Variants in ADAMTS2 observed in about 807,000 individuals in gnomAD.
ADAMTS2 encodes A disintegrin and metalloproteinase with thrombospondin motifs 2.
A neutral mutation model predicts 123.0 loss-of-function variants in ADAMTS2; 50 were observed. The observed-to-expected ratio is 0.41, with a 90% confidence interval of 0.32 to 0.51. The LOEUF is 0.51. Ranked by LOEUF, ADAMTS2 falls within the 20% of genes least tolerant of loss-of-function variation. The pLI, the probability that ADAMTS2 is intolerant of heterozygous loss-of-function variation, is 0.35. For missense variants in ADAMTS2, 1,494 were observed against 1,705.2 expected, an observed-to-expected ratio of 0.88 and a Z score of 2.18; for synonymous variants, 678 against 695.4, an observed-to-expected ratio of 0.98 and a Z score of 0.39.
chr5:179,209,658 C>T (rs529745430), intron 3 of ADAMTS2, among the ~76,000 whole-genome samples: 6 of 151,930 alleles, frequency 3.9e-5, no homozygotes, highest in Non-Finnish European at 8.8e-5. Context: ...GGGGTGGGGC[C>T]GGCAGGCCTG....
At position 179,132,831 on chromosome 5, in the gene ADAMTS2, T is replaced by C. The variant is rs1278203417; in HGVS notation, c.2155A>G (p.Asn719Asp). 1 of 1,614,112 alleles carries C rather than the reference T, an allele frequency of 6.2e-7. No individual in the cohort carries two copies. Among genetic ancestry groups the C allele is most frequent in the Non-Finnish European group, 8.5e-7 (1 of 1,180,018 alleles). Residue 719 changes from asparagine (N) to aspartate (D), a missense_variant, in exon 14 of 22, where the codon AAC becomes GAC. Coordinates refer to ENST00000251582, the MANE Select transcript of ADAMTS2 (RefSeq NM_014244.5). This position sits in a 1 kb window ranked among gnomAD's most constrained non-coding sequence, Gnocchi z 6.1. ...CCCTTGACCACTTTGCAGTGGCTGT[T>C]GTCCCCTCCGCACACGCCACACTTG... ...EDKCGVCGGDNSHCKVVKGTF... is the reference protein window; with the variant it reads ...EDKCGVCGGDDSHCKVVKGTF...
intron 5 of ADAMTS2, among the ~76,000 whole-genome samples, chr5:179,167,151 A>G (rs1561786738): frequency 6.6e-6 from 1 of 151,980 alleles, no homozygotes; most frequent in Non-Finnish European, 1.5e-5. Flanking sequence ...TCATTTTCCT[A>G]CCTTCCGGAT....
chr5:179,137,722 A>AT, intron 12 of ADAMTS2, 47 bp downstream of exon 12: 12 of 1,512,500 alleles, frequency 7.9e-6, no homozygotes, highest in Non-Finnish European at 1.1e-5. Flanking sequence ...TGCCCACCCT[A>AT]GGGCCTGCCT....
chr5:179,139,567 G>GCTTA (rs1254634515), intron 11 of ADAMTS2, among the ~76,000 whole-genome samples: 4 of 152,076 alleles, frequency 2.6e-5, no homozygotes, highest in Non-Finnish European at 5.9e-5. Context: ...GACCACCCCC[G>GCTTA]CTTACCCCCA....
At position 179,285,371 on chromosome 5, in the gene ADAMTS2, C is replaced by T. The variant is rs1407063045; in HGVS notation, c.535-12307G>A. Among the ~76,000 whole-genome samples, 3 of 150,076 alleles carry T rather than the reference C, an allele frequency of 2.0e-5. 1 individual carries two copies. Among genetic ancestry groups the T allele is most frequent in the Non-Finnish European group, 2.9e-5 (2 of 68,032 alleles). ...CGACAAGAATGCCTCACGGGGCCAG[C>T]GCAGGGGCCAGCCAGGCGGCCTTCT... is the stretch of plus-strand genomic sequence containing the variant. On this transcript the variant is annotated intron_variant, in intron 2 of 21. Coordinates refer to ENST00000251582, the MANE Select transcript of ADAMTS2 (RefSeq NM_014244.5). The surrounding 1 kb of genome is among the most constrained non-coding windows in gnomAD (Gnocchi z 4.9).
At chr5:179,280,773 A>C (rs562590032) in intron 2 of ADAMTS2, among the ~76,000 whole-genome samples, 2 of 152,214 alleles carry the variant, frequency 1.3e-5, no homozygotes, top group Non-Finnish European at 2.9e-5. Context: ...ATCTGTCAGC[A>C]CCAAACTGAG....
At chr5:179,186,416 G>C (rs1388489902) in intron 4 of ADAMTS2, among the ~76,000 whole-genome samples, 1 of 152,180 alleles carries the variant, frequency 6.6e-6, no homozygotes, top group Non-Finnish European at 1.5e-5. Context: ...AGGGTTTGTG[G>C]GGCATGTGAG....
chr5:179,217,830 G>GGGCACACTCACTAGGGGATGGCAAA (rs1193913145), intron 3 of ADAMTS2, among the ~76,000 whole-genome samples: 1 of 71,404 alleles, frequency 1.4e-5, no homozygotes, highest in African/African-American at 7.0e-5. Context: ...GGGATGGCCT[G>GGGCACACTCACTAGGGGATGGCAAA]AGGGCAGACA....
intron 2 of ADAMTS2, among the ~76,000 whole-genome samples, chr5:179,316,800 G>T (rs1036334006): frequency 1.3e-5 from 2 of 152,170 alleles, no homozygotes; most frequent in Non-Finnish European, 2.9e-5. Context: ...AAATTAGCCA[G>T]GCATGGTGGT....
chr5:179,338,942 T>G (rs1414413928), intron 2 of ADAMTS2, among the ~76,000 whole-genome samples: 2 of 149,306 alleles, frequency 1.3e-5, no homozygotes, highest in Admixed American at 6.6e-5. Flanking sequence ...TGGAGGAGAG[T>G]GGGGAGAGCC....
intron 2 of ADAMTS2, among the ~76,000 whole-genome samples, chr5:179,290,822 G>A (rs908537131): frequency 1.4e-4 from 22 of 152,166 alleles, no homozygotes; most frequent in African/African-American, 4.1e-4. Context: ...TCCAGGGATC[G>A]GGGAGCAAGT....
chr5:179,302,680 C>A (rs1253524369), intron 2 of ADAMTS2, among the ~76,000 whole-genome samples: 1 of 151,650 alleles, frequency 6.6e-6, no homozygotes, highest in East Asian at 2.0e-4. Flanking sequence ...AGGAAGTCGA[C>A]AGAGAGTGAC....
chr5:179,160,913 A>T (rs1763580687), intron 5 of ADAMTS2, among the ~76,000 whole-genome samples: 1 of 152,148 alleles, frequency 6.6e-6, no homozygotes, highest in South Asian at 2.1e-4. Flanking sequence ...GAGACCCTTC[A>T]GAGAGCTCTC....
intron 21 of ADAMTS2, 175 bp downstream of exon 21, chr5:179,121,486 C>T (rs895236174): frequency 5.1e-5 from 25 of 493,694 alleles, no homozygotes; most frequent in African/African-American, 3.2e-4. Flanking sequence ...GCAGGCAGCG[C>T]GGCCCGGAGC....
In ADAMTS2 at chr5:179,332,012, C is replaced by T. The variant is rs58586301; in HGVS notation, c.534+11755G>A. Among the ~76,000 whole-genome samples the T allele has an allele frequency of 0.017, 2,539 of 152,334 alleles. 74 individuals carry two copies. The highest frequency in any genetic ancestry group is 0.058 in the African/African-American group (2,424 of 41,566). On this transcript the variant is annotated intron_variant, in intron 2 of 21. Coordinates refer to ENST00000251582, the MANE Select transcript of ADAMTS2 (RefSeq NM_014244.5). This position sits in a 1 kb window ranked among gnomAD's most constrained non-coding sequence, Gnocchi z 4.2. ...CCAGCTTTCCACCTGTGCCTCTGACCAGGCGGCTATAAATTGGGCGGGTCC... is the reference window on the plus strand; with the variant it reads ...CCAGCTTTCCACCTGTGCCTCTGACTAGGCGGCTATAAATTGGGCGGGTCC...
chr5:179,266,776 G>A (rs1766382763), intron 3 of ADAMTS2, among the ~76,000 whole-genome samples: 1 of 147,922 alleles, frequency 6.8e-6, no homozygotes, highest in Non-Finnish European at 1.5e-5. Flanking sequence ...GGGCCCCCCA[G>A]CCCCCACCTG....
intron 2 of ADAMTS2, among the ~76,000 whole-genome samples, chr5:179,301,225 T>C (rs1313422226): frequency 6.6e-6 from 1 of 151,772 alleles, no homozygotes; most frequent in Non-Finnish European, 1.5e-5. Context: ...CTGAACATCC[T>C]GGGCTGAAGG....
Position 179,272,581 on chromosome 5 carries a change from G to A in ADAMTS2, c.688+330C>T, listed in dbSNP as rs1349741585. On this transcript the variant is annotated intron_variant, in intron 3 of 21. Transcript: ENST00000251582. The surrounding 1 kb of genome is among the most constrained non-coding windows in gnomAD (Gnocchi z 5.8). ...AGGCCTGGCCGGGGGCCCCCGCCCC[G>A]CTCCACGACACTTGCTTGCCTTTAG... Among the ~76,000 whole-genome samples the A allele has an allele frequency of 3.9e-5, 6 of 152,230 alleles. 1 individual carries two copies. In the East Asian group the frequency reaches 7.8e-4, roughly 20 times the overall value.
At chr5:179,322,597 G>C (rs941441559) in intron 2 of ADAMTS2, among the ~76,000 whole-genome samples, 2 of 152,204 alleles carry the variant, frequency 1.3e-5, no homozygotes, top group East Asian at 1.9e-4. Context: ...ACTTGTCAAG[G>C]CTGCGCCAGC....
Sources: allele counts gnomAD v4.1 joint callset (sites outside exome capture counted in the v4.1 genomes callset), GRCh38; gene constraint gnomAD v4.1.1; non-coding constraint Gnocchi (gnomAD v3.1); transcripts MANE v1.5; gene names NCBI Gene and HGNC (gene_info 2026-07-23, HGNC 2026-07-21).